EPHA5: variants seen among roughly 807,000 people sequenced by gnomAD.
EPHA5 encodes the protein ephrin type-A receptor 5.
EPHA5 carries 60 observed loss-of-function variants against 105.0 expected under a neutral mutation model. The observed-to-expected ratio is 0.57, with a 90% CI of 0.46 to 0.71. The LOEUF (loss-of-function observed/expected upper bound fraction) is 0.71. Ranked by LOEUF, EPHA5 falls within the 30% of genes least tolerant of loss-of-function variation. The pLI is 0.00. For missense variants in EPHA5, 1,218 were observed against 1,274.7 expected (o/e 0.96, Z 0.68); for synonymous variants, 513 against 449.1 (o/e 1.14, Z -1.80).
chr4:65,400,757 T>C (rs1721736048), intron 8 of EPHA5, among the ~76,000 whole-genome samples: 1 of 152,160 alleles, frequency 6.6e-6, no homozygotes, highest in African/African-American at 2.4e-5. Context: ...ACTTTTTTTG[T>C]CTAAATAAAA....
At chr4:65,537,401 A>C (rs1003638681) in intron 3 of EPHA5, among the ~76,000 whole-genome samples, 1 of 151,830 alleles carries the variant, frequency 6.6e-6, no homozygotes, top group Non-Finnish European at 1.5e-5. Flanking sequence ...ATATCTTGCT[A>C]ATGTGGCACT....
intron 3 of EPHA5, among the ~76,000 whole-genome samples, chr4:65,572,451 C>T (rs191219332): frequency 6.5e-4 from 99 of 152,208 alleles, no homozygotes; most frequent in Admixed American, 3.4e-3. Context: ...GCCCCCACTG[C>T]TTCTAAATGC....
At chr4:65,444,519 T>C (rs529591879) in intron 5 of EPHA5, among the ~76,000 whole-genome samples, 2 of 152,292 alleles carry the variant, frequency 1.3e-5, no homozygotes, top group East Asian at 3.9e-4. Flanking sequence ...ATACCTTGTC[T>C]GGTTTTTCCA....
At chr4:65,546,170 T>A (rs1737352463) in intron 3 of EPHA5, among the ~76,000 whole-genome samples, 1 of 152,030 alleles carries the variant, frequency 6.6e-6, no homozygotes, top group Admixed American at 6.6e-5. Context: ...AAACTTTTTA[T>A]TTTCTGAGTT....
chr4:65,666,767 T>A (rs564265364), intron 1 of EPHA5, among the ~76,000 whole-genome samples: 1 of 152,224 alleles, frequency 6.6e-6, no homozygotes, highest in Non-Finnish European at 1.5e-5. Flanking sequence ...TATTGTCTGC[T>A]ATCCAACATA....
chr4:65,626,146 T>A (rs924898993), intron 2 of EPHA5, among the ~76,000 whole-genome samples: 1 of 150,814 alleles, frequency 6.6e-6, no homozygotes, highest in African/African-American at 2.4e-5. Context: ...TAATTGAATA[T>A]CACATATAGC....
chr4:65,557,280 A>G (rs1738554256), intron 3 of EPHA5, among the ~76,000 whole-genome samples: 3 of 124,212 alleles, frequency 2.4e-5, no homozygotes, highest in Non-Finnish European at 5.1e-5. Flanking sequence ...TGTTATTAAC[A>G]CTCCATCTTA....
At chr4:65,643,258 T>G in intron 2 of EPHA5, 105 bp downstream of exon 2, 1 of 896,216 alleles carries the variant, frequency 1.1e-6, no homozygotes, top group Non-Finnish European at 1.8e-6. Flanking sequence ...TAGCACCTCC[T>G]GTCTTAACAA....
intron 2 of EPHA5, among the ~76,000 whole-genome samples, chr4:65,636,630 A>C (rs1448656939): frequency 6.6e-6 from 1 of 152,122 alleles, no homozygotes; most frequent in African/African-American, 2.4e-5. Context: ...TTTCATAGCA[A>C]GATAGAATTA....
At chr4:65,582,028 T>C (rs747149935) in intron 3 of EPHA5, among the ~76,000 whole-genome samples, 8 of 151,760 alleles carry the variant, frequency 5.3e-5, no homozygotes, top group Non-Finnish European at 8.9e-5. Flanking sequence ...TGTTTTGCTG[T>C]AGACACTATG....
chr4:65,379,970 G>A (rs761371139), intron 8 of EPHA5, among the ~76,000 whole-genome samples: 2 of 151,716 alleles, frequency 1.3e-5, no homozygotes, highest in Non-Finnish European at 3.0e-5. Flanking sequence ...TTCTGAAGAC[G>A]CTTTCACAGT....
intron 2 of EPHA5, among the ~76,000 whole-genome samples, chr4:65,605,675 G>A (rs1207032600): frequency 6.6e-6 from 1 of 151,838 alleles, no homozygotes; most frequent in East Asian, 1.9e-4. Flanking sequence ...GATCTATTGA[G>A]GCTAAGGTGC....
chr4:65,434,973 T>C (rs570939764), intron 5 of EPHA5, among the ~76,000 whole-genome samples: 2 of 152,240 alleles, frequency 1.3e-5, no homozygotes, highest in East Asian at 1.9e-4. Flanking sequence ...CAAGTATACA[T>C]AGGAGACACC....
chr4:65,600,530 G>A (rs1743615365), intron 3 of EPHA5, among the ~76,000 whole-genome samples: 1 of 152,108 alleles, frequency 6.6e-6, no homozygotes, highest in South Asian at 2.1e-4. Context: ...AATTTCCCTA[G>A]TTTTGTTTCC....
At chr4:65,566,792 C>A (rs1009635841) in intron 3 of EPHA5, among the ~76,000 whole-genome samples, 3 of 151,734 alleles carry the variant, frequency 2.0e-5, no homozygotes. Context: ...TTTTCTCCCC[C>A]AAACTGTAAC....
intron 3 of EPHA5, among the ~76,000 whole-genome samples, chr4:65,597,461 A>C (rs895597770): frequency 4.2e-4 from 58 of 138,830 alleles, no homozygotes; most frequent in South Asian, 3.9e-3. Context: ...TTTTTACTAA[A>C]AAAAAAAAGT....
At chr4:65,429,053 C>A (rs547821068) in intron 5 of EPHA5, among the ~76,000 whole-genome samples, 6 of 151,866 alleles carry the variant, frequency 4.0e-5, no homozygotes, top group Non-Finnish European at 8.8e-5. Context: ...TTGTTATTAT[C>A]CTATAATAGA....
chr4:65,401,109 A>G (rs1406432697), intron 8 of EPHA5, among the ~76,000 whole-genome samples: 1 of 151,898 alleles, frequency 6.6e-6, no homozygotes. Context: ...GCACAGAGAG[A>G]TGGGAGCAAC....
intron 7 of EPHA5, among the ~76,000 whole-genome samples, chr4:65,412,273 G>A (rs148293962): frequency 6.6e-6 from 1 of 152,190 alleles, no homozygotes; most frequent in East Asian, 1.9e-4. Context: ...AATGCTCTTT[G>A]AAACAAATAT....
Sources: gnomAD v4.1 joint callset for allele counts (sites outside exome capture counted in the v4.1 genomes callset) on GRCh38, gnomAD v4.1.1 for gene constraint, MANE v1.5 for transcripts, NCBI Gene and HGNC (gene_info 2026-07-23, HGNC 2026-07-21) for gene names.